WFDC1: variants seen among roughly 807,000 people sequenced by gnomAD.
The protein encoded by WFDC1 is WAP four-disulfide core domain 1, also known as WAP four-disulfide core domain protein 1.
In WFDC1, 39 loss-of-function variants were observed where a neutral mutation model predicts 32.9. The observed-to-expected ratio is 1.19, with a 90% confidence interval of 0.92 to 1.55. The LOEUF is 1.55. Ranked by LOEUF, WFDC1 falls within the 40% of genes most tolerant of loss-of-function variation. WFDC1 has a pLI of 0.00. For missense variants in WFDC1, 386 were observed against 309.5 expected, an observed-to-expected ratio of 1.25 and a Z score of -1.85; for synonymous variants, 184 against 137.4, an observed-to-expected ratio of 1.34 and a Z score of -2.37.
In WFDC1 at chr16:84,313,082, G is replaced by GGT; in HGVS notation, c.266_267insGT (p.Cys89TrpfsTer18). On this transcript the variant is annotated frameshift_variant, in exon 2 of 7. Transcript: ENST00000219454. LOFTEE classifies it high-confidence loss of function. Reference sequence around the variant, plus strand: ...GCGCGCTGTCAGGCGGACTCCGAGTGCCCGCGGCACCGGCGCTGCTGCTAC... The same window carrying GGT: ...GCGCGCTGTCAGGCGGACTCCGAGTGGTCCCGCGGCACCGGCGCTGCTGCTAC... 1 of 1,425,166 alleles carries GGT rather than the reference G, an allele frequency of 7.0e-7. No individual in the cohort carries two copies. Among genetic ancestry groups the GGT allele is most frequent in the Non-Finnish European group, 9.1e-7 (1 of 1,094,824 alleles). The allele number at this position is 1,425,166 out of a possible 1,614,324, so 88.3% of individuals were successfully genotyped here. A position where few individuals can be genotyped will look rare whatever the true frequency, so the allele number is the denominator to read the frequency against.
intron 1 of WFDC1, among the ~76,000 whole-genome samples, chr16:84,297,664 G>A (rs1044137458): frequency 1.4e-5 from 2 of 141,672 alleles, no homozygotes; most frequent in African/African-American, 5.2e-5. Context: ...CTCAGAGAAA[G>A]CCCTGGGCGA....
chr16:84,301,739 G>A (rs244831), intron 1 of WFDC1, among the ~76,000 whole-genome samples: 9 of 151,970 alleles, frequency 5.9e-5, no homozygotes, highest in Non-Finnish European at 1.0e-4. Context: ...TGGCATGGAG[G>A]GGGGACTGGA....
intron 1 of WFDC1, chr16:84,295,406 C>T (rs903236991): frequency 4.0e-6 from 2 of 496,060 alleles, no homozygotes; most frequent in Non-Finnish European, 7.0e-6. Flanking sequence ...TGAAAGACAG[C>T]ATCTCATTTC....
chr16:84,295,843 T>C (rs1906565104), intron 1 of WFDC1: 2 of 152,410 alleles, frequency 1.3e-5, no homozygotes, highest in African/African-American at 4.8e-5. Flanking sequence ...GACAGAGGGA[T>C]GCATTTCTTC....
intron 1 of WFDC1, among the ~76,000 whole-genome samples, chr16:84,306,559 C>G (rs898974727): frequency 6.6e-6 from 1 of 152,190 alleles, no homozygotes; most frequent in Non-Finnish European, 1.5e-5. Context: ...AATTCACATC[C>G]GCATTAAGTG....
chr16:84,304,019 C>A lies in WFDC1; in HGVS notation c.144+8904C>A, dbSNP rs16963344. Among the ~76,000 whole-genome samples, 496 of 152,330 alleles carry A rather than the reference C, an allele frequency of 3.3e-3. 6 individuals carry two copies. The highest frequency in any genetic ancestry group is 0.025 in the East Asian group (128 of 5,188). On this transcript the variant is annotated intron_variant, in intron 1 of 6. Coordinates refer to ENST00000219454, the MANE Select transcript of WFDC1 (RefSeq NM_021197.4). ...GTATGTTAACATGGTGGATCGACAT[C>A]TTCCTTTCTAAGGCCTGCCTGGTGT...
chr16:84,320,370 GT>G (rs1597691029), intron 4 of WFDC1, among the ~76,000 whole-genome samples: 3 of 152,294 alleles, frequency 2.0e-5, no homozygotes, highest in East Asian at 1.9e-4. Context: ...ATCTGTATCT[GT>G]TTTCAAACTG....
chr16:84,301,489 C>G, intron 1 of WFDC1, among the ~76,000 whole-genome samples: 1 of 152,148 alleles, frequency 6.6e-6, no homozygotes, highest in East Asian at 1.9e-4. Flanking sequence ...CAGGTGAGCT[C>G]ACACCCTGCG....
In WFDC1 at chr16:84,295,021, G is replaced by T. The variant is rs200771721; in HGVS notation, c.50G>T (p.Arg17Leu). ...GPGSCRRQII[R>L]ALCLLLLLLH... ...GGCAGCTGCAGGAGGCAGATCATCC[G>T]GGCTCTGTGCCTCTTGCTACTTCTC... Residue 17 changes from arginine to leucine, a missense_variant, in exon 1 of 7, where the codon CGG becomes CTG. Transcript: ENST00000219454. 6.2e-7 allele frequency: 1 copy of T among 1,614,192 alleles called. No homozygotes were observed. The highest frequency in any genetic ancestry group is 1.1e-5 in the South Asian group (1 of 91,086).
At chr16:84,323,928 C>G (rs1316942287) in intron 4 of WFDC1, among the ~76,000 whole-genome samples, 1 of 152,242 alleles carries the variant, frequency 6.6e-6, no homozygotes, top group Non-Finnish European at 1.5e-5. Context: ...CGAGGCCAGC[C>G]TGACCAACAT....
intron 1 of WFDC1, among the ~76,000 whole-genome samples, chr16:84,312,132 T>A (rs543730903): frequency 3.3e-5 from 5 of 152,064 alleles, no homozygotes; most frequent in Non-Finnish European, 7.4e-5. Flanking sequence ...GCCACTGCAT[T>A]CCAGCCTGGG....
At chr16:84,322,498 C>T (rs1210238567) in intron 4 of WFDC1, among the ~76,000 whole-genome samples, 2 of 152,118 alleles carry the variant, frequency 1.3e-5, no homozygotes, top group Non-Finnish European at 2.9e-5. Context: ...CTTGAATCCC[C>T]CACCCAGATT....
At chr16:84,307,721 C>T (rs879373913) in intron 1 of WFDC1, among the ~76,000 whole-genome samples, 5 of 152,126 alleles carry the variant, frequency 3.3e-5, no homozygotes, top group Admixed American at 2.0e-4. Flanking sequence ...CGACGACGTA[C>T]GGTGTATTCT....
chr16:84,301,089 G>A (rs1230669583), intron 1 of WFDC1, among the ~76,000 whole-genome samples: 2 of 152,144 alleles, frequency 1.3e-5, no homozygotes, highest in East Asian at 3.8e-4. Flanking sequence ...AGACACATGA[G>A]GGACCAGAGA....
At chr16:84,318,673 C>G (rs1597688039) in intron 3 of WFDC1, 2 of 276,194 alleles carry the variant, frequency 7.2e-6, no homozygotes, top group East Asian at 1.4e-4. Context: ...TCACCGCTCT[C>G]TAATGATGAA....
At chr16:84,318,404 C>T (rs367941740) in intron 3 of WFDC1, 49 bp downstream of exon 3, 273 of 1,580,388 alleles carry the variant, frequency 1.7e-4, no homozygotes, top group Non-Finnish European at 2.3e-4. Context: ...TCGATCCCTC[C>T]TTCTCAGCTG....
intron 1 of WFDC1, among the ~76,000 whole-genome samples, chr16:84,298,264 C>T (rs1452437927): frequency 2.0e-5 from 3 of 152,004 alleles, no homozygotes. Flanking sequence ...TGTACCACCA[C>T]GCCTGGCTAA....
chr16:84,305,807 T>G (rs1907214622), intron 1 of WFDC1, among the ~76,000 whole-genome samples: 2 of 151,352 alleles, frequency 1.3e-5, no homozygotes, highest in African/African-American at 4.9e-5. Context: ...TTCAAGACCA[T>G]CCTGGGCAAC....
intron 1 of WFDC1, chr16:84,295,872 C>T (rs1358899100): frequency 2.0e-5 from 3 of 152,378 alleles, no homozygotes; most frequent in East Asian, 1.9e-4. Flanking sequence ...ATGTCTGGGT[C>T]GCCACTGTTT....
Sources: gnomAD v4.1 joint callset for allele counts (sites outside exome capture counted in the v4.1 genomes callset) on GRCh38, gnomAD v4.1.1 for gene constraint, MANE v1.5 for transcripts, NCBI Gene and HGNC (gene_info 2026-07-23, HGNC 2026-07-21) for gene names.